The following ITPRID1 variants were observed in gnomAD, a reference collection of about 807,000 sequenced individuals.
The protein encoded by ITPRID1 is protein ITPRID1.
Under a neutral mutation model 95.4 loss-of-function variants are expected in ITPRID1, and 96 were observed. The ratio of observed to expected loss-of-function variants is 1.01; its 90% CI spans 0.85 to 1.19. ITPRID1 has a LOEUF of 1.19. ITPRID1 is among the 50% of genes most tolerant of loss of function. The pLI is 0.00. For synonymous variants in ITPRID1, 510 were observed against 453.6 expected (o/e 1.12, Z -1.58); for missense variants, 1,339 against 1,252.9 (o/e 1.07, Z -1.04).
intron 10 of ITPRID1, among the ~76,000 whole-genome samples, chr7:31,593,001 T>C (rs1785931561): frequency 6.6e-6 from 1 of 152,128 alleles, no homozygotes; most frequent in African/African-American, 2.4e-5. Context: ...TTATCAAAAT[T>C]TCATTTAAGA....
chr7:31,637,727 G>A (rs1789627531), intron 10 of ITPRID1, among the ~76,000 whole-genome samples: 1 of 152,168 alleles, frequency 6.6e-6, no homozygotes, highest in South Asian at 2.1e-4. Flanking sequence ...CTGTGCAGAA[G>A]CTCTTTAGTT....
intron 5 of ITPRID1, among the ~76,000 whole-genome samples, chr7:31,557,730 AG>A (rs1366226793): frequency 6.6e-6 from 1 of 152,188 alleles, no homozygotes; most frequent in Non-Finnish European, 1.5e-5. Flanking sequence ...TATTACGTGG[AG>A]GAAAATGAGG....
chr7:31,558,589 A>G (rs2191338), intron 5 of ITPRID1, among the ~76,000 whole-genome samples: 30,278 of 152,162 alleles, frequency 0.2, 3,366 homozygotes, highest in East Asian at 0.33. Flanking sequence ...AGAGACCTTA[A>G]GTACAGCATG....
intron 1 of ITPRID1, among the ~76,000 whole-genome samples, chr7:31,515,691 T>G (rs945726142): frequency 1.3e-5 from 2 of 152,238 alleles, no homozygotes; most frequent in African/African-American, 4.8e-5. Context: ...TTGATGTGAT[T>G]ATTACATTGT....
intron 1 of ITPRID1, among the ~76,000 whole-genome samples, chr7:31,534,545 C>T (rs1388957260): frequency 6.6e-6 from 1 of 152,008 alleles, no homozygotes; most frequent in Non-Finnish European, 1.5e-5. Context: ...GTCTTGAAAC[C>T]TACTTTATCT....
rs562554792 is a variant in ITPRID1 at position 31,579,052 on chromosome 7, A to T, written c.1170+618A>T. On this transcript the variant is annotated intron_variant, in intron 9 of 14. Transcript: ENST00000615280. ...TTTTTATTTGTTTGCTTTGGGATGT[A>T]TTGATTTTCACATAGCTTGACCTTC... 3.3e-5 allele frequency among the ~76,000 whole-genome samples: 5 copies of T among 152,258 alleles called. No individual in the cohort carries two copies. In the East Asian group the frequency reaches 9.7e-4, roughly 29 times the overall value.
At chr7:31,605,660 G>A (rs1232230148) in intron 10 of ITPRID1, among the ~76,000 whole-genome samples, 2 of 152,240 alleles carry the variant, frequency 1.3e-5, no homozygotes, top group Non-Finnish European at 2.9e-5. Flanking sequence ...ACTGGTGATA[G>A]AAGAGGCTTT....
At chr7:31,574,345 A>G (rs1785099185) in intron 7 of ITPRID1, among the ~76,000 whole-genome samples, 195 bp from the exon 8 acceptor site, 1 of 152,144 alleles carries the variant, frequency 6.6e-6, no homozygotes, top group African/African-American at 2.4e-5. Context: ...TGTAAAGTAC[A>G]GGCAAGCAGT....
At chr7:31,657,052 C>A (rs1791336681), downstream of ITPRID1, among the ~76,000 whole-genome samples, 3 of 70,224 alleles carry the variant, frequency 4.3e-5, no homozygotes, top group Admixed American at 3.4e-4. Flanking sequence ...CACACACACA[C>A]ACGCACTATA....
Position 31,574,749 on chromosome 7 carries a change from G to A in ITPRID1, c.598+7G>A, listed in dbSNP as rs777572585. The A allele has an allele frequency of 3.1e-5, 50 of 1,613,226 alleles. No homozygotes were observed. Among genetic ancestry groups the A allele is most frequent in the East Asian group, 2.7e-4 (12 of 44,806 alleles). ...GAGAACCCCAACTTGTACGGTAAGC[G>A]AGGTGCCTGTGGCATTCGCATCTCA... On this transcript the variant is annotated splice_region_variant and intron_variant, in intron 8 of 14. Coordinates refer to ENST00000615280, the MANE Select transcript of ITPRID1 (RefSeq NM_001257967.3).
intron 12 of ITPRID1, among the ~76,000 whole-genome samples, chr7:31,647,043 T>C (rs886212526): frequency 6.6e-6 from 1 of 152,336 alleles, no homozygotes; most frequent in Admixed American, 6.5e-5. Context: ...CACATATACG[T>C]GTGCATATTT....
chr7:31,603,591 C>A (rs541751051), intron 10 of ITPRID1, among the ~76,000 whole-genome samples: 2 of 152,266 alleles, frequency 1.3e-5, no homozygotes, highest in African/African-American at 4.8e-5. Context: ...GGGCATTTTA[C>A]TTCCATAAGG....
chr7:31,625,960 G>C (rs38364), intron 10 of ITPRID1, among the ~76,000 whole-genome samples: 60,618 of 151,920 alleles, frequency 0.4, 12,571 homozygotes, highest in Middle Eastern at 0.49. Context: ...AGATAATTTG[G>C]TGATAATAAA....
intron 10 of ITPRID1, among the ~76,000 whole-genome samples, chr7:31,599,705 T>G (rs2128159389): frequency 6.7e-6 from 1 of 150,062 alleles, no homozygotes; most frequent in Non-Finnish European, 1.5e-5. Context: ...TCTTTCTTTC[T>G]TTCTTTCTCT....
intron 5 of ITPRID1, among the ~76,000 whole-genome samples, chr7:31,564,104 A>G (rs748045562): frequency 3.9e-5 from 6 of 152,214 alleles, no homozygotes; most frequent in Non-Finnish European, 5.9e-5. Flanking sequence ...AATGCTTAGG[A>G]AAACCAAAAT....
At chr7:31,541,417 T>C (rs1783927936) in intron 1 of ITPRID1, among the ~76,000 whole-genome samples, 5 of 152,150 alleles carry the variant, frequency 3.3e-5, no homozygotes, top group Admixed American at 3.3e-4. Context: ...TTAAAACCAC[T>C]TTCTAAAGAG....
chr7:31,539,034 TG>T (rs1359218946), intron 1 of ITPRID1, among the ~76,000 whole-genome samples: 1 of 152,224 alleles, frequency 6.6e-6, no homozygotes, highest in East Asian at 1.9e-4. Context: ...TTTGTCACAT[TG>T]AGTAATATCC....
chr7:31,562,720 A>G (rs1431962962), intron 5 of ITPRID1, among the ~76,000 whole-genome samples: 2 of 152,214 alleles, frequency 1.3e-5, no homozygotes, highest in Admixed American at 6.5e-5. Flanking sequence ...TGTAACCTAC[A>G]TCAACTTTTC....
Position 31,651,158 on chromosome 7 carries a change from T to C in ITPRID1, c.2600T>C (p.Met867Thr), listed in dbSNP as rs1790911208. ...TGTTCTCAGTGCACAGTCCATGAGA[T>C]GGAAGCCATGAAGACGATATGCCAA... ...RELCSCTVHEMEAMKTICQSF... is the reference protein window; with the variant it reads ...RELCSCTVHETEAMKTICQSF... Residue 867 changes from methionine (M) to threonine (T), a missense_variant, in exon 13 of 15, where the codon ATG (methionine) becomes ACG (threonine). Coordinates refer to ENST00000615280, the MANE Select transcript of ITPRID1 (RefSeq NM_001257967.3). The C allele has an allele frequency of 9.9e-6, 16 of 1,613,304 alleles. No individual in the cohort carries two copies. The highest frequency in any genetic ancestry group is 1.3e-5 in the African/African-American group (1 of 74,886).
Sources: allele counts gnomAD v4.1 joint callset (sites outside exome capture counted in the v4.1 genomes callset), GRCh38; gene constraint gnomAD v4.1.1; transcripts MANE v1.5; gene names NCBI Gene and HGNC (gene_info 2026-07-23, HGNC 2026-07-21).